Variants in CNTNAP2 observed in about 807,000 individuals in gnomAD.
CNTNAP2 encodes contactin-associated protein-like 2.
Under a neutral mutation model 155.2 loss-of-function variants are expected in CNTNAP2, and 98 were observed. That is an observed-to-expected ratio of 0.63 (90% CI 0.54 to 0.75). CNTNAP2 has a LOEUF of 0.75. CNTNAP2 is among the 30% of genes least tolerant of loss of function. The pLI is 0.00. For missense variants in CNTNAP2, 1,727 were observed against 1,688.1 expected, an observed-to-expected ratio of 1.02 and a Z score of -0.40; for synonymous variants, 651 against 631.2, an observed-to-expected ratio of 1.03 and a Z score of -0.47.
chr7:146,704,699 A>T (rs890351576), intron 1 of CNTNAP2, among the ~76,000 whole-genome samples: 1 of 152,166 alleles, frequency 6.6e-6, no homozygotes, highest in Non-Finnish European at 1.5e-5. Context: ...AGCCTCATAG[A>T]AGGGTAAATA....
intron 1 of CNTNAP2, among the ~76,000 whole-genome samples, chr7:146,555,449 T>G (rs1798183121): frequency 6.6e-6 from 1 of 152,052 alleles, no homozygotes; most frequent in Admixed American, 6.6e-5. Context: ...TCTCATCTAT[T>G]TATCGATTTA....
At chr7:146,781,235 A>AAC (rs1410326153) in intron 2 of CNTNAP2, among the ~76,000 whole-genome samples, 3 of 151,206 alleles carry the variant, frequency 2.0e-5, no homozygotes, top group Non-Finnish European at 2.9e-5. Flanking sequence ...CTCAAAAAAA[A>AAC]AAAAACAAAA....
chr7:148,261,448 C>CA (rs1283320597), intron 20 of CNTNAP2, among the ~76,000 whole-genome samples: 1 of 152,232 alleles, frequency 6.6e-6, no homozygotes, highest in Non-Finnish European at 1.5e-5. Context: ...CGTGAGCCAC[C>CA]ACGCCCAACG....
chr7:147,105,364 T>C (rs1211894538), intron 4 of CNTNAP2, among the ~76,000 whole-genome samples: 1 of 151,992 alleles, frequency 6.6e-6, no homozygotes, highest in Non-Finnish European at 1.5e-5. Context: ...CTAGCCATTA[T>C]TGTTCAGATT....
intron 8 of CNTNAP2, among the ~76,000 whole-genome samples, chr7:147,200,247 C>G (rs1802895484): frequency 6.6e-6 from 1 of 152,110 alleles, no homozygotes; most frequent in African/African-American, 2.4e-5. Context: ...AGAGTAATGC[C>G]AAGACTTGTG....
intron 13 of CNTNAP2, among the ~76,000 whole-genome samples, chr7:147,842,137 C>T (rs1212336255): frequency 6.6e-6 from 1 of 152,142 alleles, no homozygotes; most frequent in African/African-American, 2.4e-5. Context: ...TCTTCACAAC[C>T]ACAAAAACTA....
At chr7:147,550,004 A>T (rs751988111) in intron 11 of CNTNAP2, among the ~76,000 whole-genome samples, 1 of 152,204 alleles carries the variant, frequency 6.6e-6, no homozygotes, top group Non-Finnish European at 1.5e-5. Flanking sequence ...TGAGGGGGGA[A>T]TATCACAATT....
chr7:146,353,694 C>A (rs376628729), intron 1 of CNTNAP2, among the ~76,000 whole-genome samples: 2 of 151,952 alleles, frequency 1.3e-5, no homozygotes, highest in East Asian at 3.9e-4. Context: ...GAAACTTTAC[C>A]TGGAAAGTAT....
intron 3 of CNTNAP2, among the ~76,000 whole-genome samples, chr7:146,956,289 A>C (rs533886944): frequency 6.6e-6 from 1 of 152,284 alleles, no homozygotes; most frequent in African/African-American, 2.4e-5. Context: ...CCGTGGTAAT[A>C]TCAAATGGTT....
At chr7:146,896,610 G>A (rs1005382748) in intron 3 of CNTNAP2, among the ~76,000 whole-genome samples, 1 of 151,724 alleles carries the variant, frequency 6.6e-6, no homozygotes, top group Admixed American at 6.6e-5. Context: ...TATTATGTTG[G>A]TGCAAAAGCA....
chr7:147,236,421 G>GTT lies in CNTNAP2; in HGVS notation c.1349-63708_1349-63707dup, dbSNP rs11341712. 1.5e-3 allele frequency among the ~76,000 whole-genome samples: 206 copies of GTT among 139,066 alleles called. 3 individuals carry two copies. The highest frequency in any genetic ancestry group is 4.1e-3 in the African/African-American group (154 of 37,962). 91.2% of individuals were successfully genotyped at this position (139,066 alleles called of 152,430 possible). Reference sequence around the variant, plus strand: ...AACAATTACATTTTATTTTAAGCTTGTTTTTTTTTTTTTAACAGTCTATCC... The same window carrying GTT: ...AACAATTACATTTTATTTTAAGCTTGTTTTTTTTTTTTTTTAACAGTCTATCC... On this transcript the variant is annotated intron_variant, in intron 8 of 23. Coordinates refer to ENST00000361727, the MANE Select transcript of CNTNAP2 (RefSeq NM_014141.6).
intron 1 of CNTNAP2, among the ~76,000 whole-genome samples, chr7:146,660,710 A>G (rs1297212653): frequency 6.6e-6 from 1 of 152,194 alleles, no homozygotes; most frequent in Non-Finnish European, 1.5e-5. Context: ...TTTTTTCTCT[A>G]TAATTTAAGC....
In CNTNAP2 at chr7:147,185,938, C is replaced by T. The variant is rs528377438; in HGVS notation, c.1348+53429C>T. Among the ~76,000 whole-genome samples, 7 of 152,280 alleles carry T rather than the reference C, an allele frequency of 4.6e-5. No individual in the cohort carries two copies. The South Asian group carries it at 1.2e-3, about 27-fold the overall frequency. On this transcript the variant is annotated intron_variant, in intron 8 of 23. Coordinates refer to ENST00000361727, the MANE Select transcript of CNTNAP2 (RefSeq NM_014141.6). ...TGTTTTTGTCTGCTGCCATGTAAGA[C>T]ATGACTTTGCTTCTTTTCTGCCTTC...
chr7:147,976,746 T>C (rs192455960), intron 14 of CNTNAP2, among the ~76,000 whole-genome samples: 12 of 152,250 alleles, frequency 7.9e-5, no homozygotes, highest in African/African-American at 2.2e-4. Flanking sequence ...GGCCTCCAAG[T>C]TGGTTCCTCT....
intron 12 of CNTNAP2, among the ~76,000 whole-genome samples, chr7:147,588,670 C>A (rs574780940): frequency 6.6e-6 from 1 of 152,182 alleles, no homozygotes; most frequent in Non-Finnish European, 1.5e-5. Flanking sequence ...TAGTGCCAGG[C>A]AACATTGAGG....
intron 1 of CNTNAP2, among the ~76,000 whole-genome samples, chr7:146,169,224 AT>A (rs1316076840): frequency 6.6e-6 from 1 of 152,044 alleles, no homozygotes; most frequent in East Asian, 1.9e-4. Flanking sequence ...TTATTTGTAC[AT>A]TTTTCCTACT....
intron 6 of CNTNAP2, chr7:147,122,039 G>C (rs1801125647): frequency 6.6e-6 from 1 of 152,120 alleles, no homozygotes; most frequent in African/African-American, 2.4e-5. Flanking sequence ...AGCTGGTTGT[G>C]GTGGCACGTG....
chr7:147,080,632 A>ATACATTCATATATAACG (rs1342665771), intron 4 of CNTNAP2, among the ~76,000 whole-genome samples: 3 of 148,818 alleles, frequency 2.0e-5, no homozygotes, highest in African/African-American at 7.3e-5. Context: ...TATATATAAC[A>ATACATTCATATATAACG]TACATTCATA....
chr7:147,190,592 G>T (rs191693464), intron 8 of CNTNAP2, among the ~76,000 whole-genome samples: 5 of 152,078 alleles, frequency 3.3e-5, no homozygotes, highest in Non-Finnish European at 5.9e-5. Flanking sequence ...CATTAGCTTC[G>T]CAATGGTGTT....
Sources: gnomAD v4.1 joint callset for allele counts (sites outside exome capture counted in the v4.1 genomes callset) on GRCh38, gnomAD v4.1.1 for gene constraint, MANE v1.5 for transcripts, NCBI Gene and HGNC (gene_info 2026-07-23, HGNC 2026-07-21) for gene names.